The following IL1RL1 variants were observed in gnomAD, a reference collection of about 807,000 sequenced individuals.
IL1RL1 encodes the protein interleukin 1 receptor like 1.
In IL1RL1, 32 loss-of-function variants were observed where a neutral mutation model predicts 50.9. The observed-to-expected ratio is 0.63, with a 90% CI of 0.47 to 0.84. The LOEUF (loss-of-function observed/expected upper bound fraction) is 0.84. Ranked by LOEUF, IL1RL1 falls within the 40% of genes least tolerant of loss-of-function variation. IL1RL1 has a pLI of 0.00. For missense variants in IL1RL1, 773 were observed against 662.9 expected, an observed-to-expected ratio of 1.17 and a Z score of -1.82; for synonymous variants, 275 against 236.0, an observed-to-expected ratio of 1.17 and a Z score of -1.51.
chr2:102,347,834 G>T (rs892943677), intron 8 of IL1RL1, 111 bp from the exon 9 acceptor site: 28 of 643,116 alleles, frequency 4.4e-5, no homozygotes, highest in Non-Finnish European at 6.8e-5. Flanking sequence ...ATTCCCAGTG[G>T]GTATATCTTA....
intron 1 of IL1RL1, among the ~76,000 whole-genome samples, chr2:102,333,078 C>T (rs1677218867): frequency 6.6e-6 from 1 of 152,034 alleles, no homozygotes. Context: ...TGTGGTACCT[C>T]CCAGCTTCTG....
chr2:102,326,212 A>T (rs1676992909), intron 1 of IL1RL1, among the ~76,000 whole-genome samples: 2 of 152,218 alleles, frequency 1.3e-5, no homozygotes, highest in Admixed American at 1.3e-4. Context: ...ATTCTTAAAG[A>T]AAAGAATTTT....
chr2:102,323,611 C>A (rs1490410937), intron 1 of IL1RL1, among the ~76,000 whole-genome samples: 1 of 151,878 alleles, frequency 6.6e-6, no homozygotes, highest in East Asian at 1.9e-4. Context: ...GTGCTAAGTT[C>A]TTTTTAACAG....
intron 10 of IL1RL1, among the ~76,000 whole-genome samples, chr2:102,350,349 C>T (rs1375565339): frequency 6.6e-6 from 1 of 152,258 alleles, no homozygotes. Flanking sequence ...AGTTACACTT[C>T]TCCTCAGCCA....
At chr2:102,340,960 T>C (rs1677536462) in intron 5 of IL1RL1, 132 bp downstream of exon 5, 2 of 754,066 alleles carry the variant, frequency 2.7e-6, no homozygotes, top group East Asian at 6.3e-5. Context: ...TCTTATCTTA[T>C]ACATTCTGAA....
chr2:102,351,416 G>C, intron 10 of IL1RL1, 120 bp from the exon 11 acceptor site: 1 of 868,884 alleles, frequency 1.2e-6, no homozygotes, highest in Non-Finnish European at 1.8e-6. Flanking sequence ...CTCTGAGTAA[G>C]TGACTTGATG....
intron 10 of IL1RL1, among the ~76,000 whole-genome samples, chr2:102,350,896 G>C (rs1677911894): frequency 6.6e-6 from 1 of 152,314 alleles, no homozygotes; most frequent in East Asian, 1.9e-4. Flanking sequence ...TTGCAGTGAG[G>C]ACTGGGTATT....
intron 1 of IL1RL1, among the ~76,000 whole-genome samples, chr2:102,326,073 A>G (rs1314579840): frequency 6.6e-6 from 1 of 152,168 alleles, no homozygotes; most frequent in East Asian, 1.9e-4. Context: ...AGTTGAAATG[A>G]AGGCAAAAAT....
chr2:102,330,726 GA>G (rs1342763100), intron 1 of IL1RL1, among the ~76,000 whole-genome samples: 1 of 152,150 alleles, frequency 6.6e-6, no homozygotes, highest in African/African-American at 2.4e-5. Context: ...TGCAAATTAT[GA>G]GTATTTTGTC....
intron 8 of IL1RL1, chr2:102,345,426 C>A: frequency 1.0e-6 from 1 of 985,044 alleles, no homozygotes; most frequent in Non-Finnish European, 1.2e-6. Context: ...ACACTCATCA[C>A]TCCTCAGGGG....
rs111749770 is a variant in IL1RL1 at position 102,316,504 on chromosome 2, G to A, written c.-150+4881G>A. Among the ~76,000 whole-genome samples, 349 of 152,232 alleles carry A rather than the reference G, an allele frequency of 2.3e-3. 5 individuals are homozygous for A. Among genetic ancestry groups the A allele is most frequent in the African/African-American group, 8.0e-3 (334 of 41,522 alleles). ...TGGTAGAATTTCCTTCTTCAGAGAA[G>A]GGGAGAACAAGGTAGATAAAGAAAG... On this transcript the variant is annotated intron_variant, in intron 1 of 10. Transcript: ENST00000233954.
Position 102,343,049 on chromosome 2 carries a change from C to A in IL1RL1, c.696C>A (p.Asn232Lys), listed in dbSNP as rs1677632551. ...IKEVEIGKNANLTCSACFGKG... is the reference protein window; with the variant it reads ...IKEVEIGKNAKLTCSACFGKG... ...ACTCCCCTCTAGGAAAAAACGCAAA[C>A]CTAACTTGCTCTGCTTGTTTTGGAA... Residue 232 changes from asparagine (N) to lysine (K), a missense_variant, in exon 7 of 11, where the codon AAC becomes AAA. Coordinates refer to ENST00000233954, the MANE Select transcript of IL1RL1 (RefSeq NM_016232.5). 6.2e-7 allele frequency: 1 copy of A among 1,613,844 alleles called. No homozygotes were observed. The highest frequency in any genetic ancestry group is 8.5e-7 in the Non-Finnish European group (1 of 1,179,974).
intron 1 of IL1RL1, among the ~76,000 whole-genome samples, chr2:102,313,760 A>T (rs1048536490): frequency 6.6e-6 from 1 of 152,168 alleles, no homozygotes; most frequent in African/African-American, 2.4e-5. Flanking sequence ...GGTTGGGAGG[A>T]TACAATGCAG....
At chr2:102,311,932 T>C (rs1219074916) in intron 1 of IL1RL1, among the ~76,000 whole-genome samples, 1 of 35,460 alleles carries the variant, frequency 2.8e-5, no homozygotes, top group Non-Finnish European at 5.0e-5. Flanking sequence ...ATAATATATA[T>C]TATATATAAT....
At chr2:102,317,611 T>C (rs1286781631) in intron 1 of IL1RL1, among the ~76,000 whole-genome samples, 1 of 152,132 alleles carries the variant, frequency 6.6e-6, no homozygotes. Context: ...GTCAATTACT[T>C]CATAGATTTT....
intron 1 of IL1RL1, among the ~76,000 whole-genome samples, chr2:102,335,958 G>C (rs1010690451): frequency 2.0e-5 from 3 of 152,030 alleles, no homozygotes; most frequent in African/African-American, 7.2e-5. Flanking sequence ...CTAATTTACG[G>C]CGAACATCTC....
intron 1 of IL1RL1, among the ~76,000 whole-genome samples, chr2:102,318,128 G>A (rs1676730770): frequency 6.6e-6 from 1 of 152,124 alleles, no homozygotes; most frequent in African/African-American, 2.4e-5. Context: ...TTTGAAGAGA[G>A]GAGTAATTTG....
rs776472201 is a variant in IL1RL1 at position 102,351,689 on chromosome 2, T to C, written c.1439T>C (p.Ile480Thr). Residue 480 changes from isoleucine (I) to threonine (T), a missense_variant, in exon 11 of 11, where the codon ATT becomes ACT. Coordinates refer to ENST00000233954, the MANE Select transcript of IL1RL1 (RefSeq NM_016232.5). ...LIQNDAKVIL[I>T]EMEALSELDM... ...CAGAACGACGCCAAGGTGATACTTA[T>C]TGAGATGGAGGCTCTGAGCGAGCTG... 3.1e-6 allele frequency: 5 copies of C among 1,613,914 alleles called. No individual in the cohort carries two copies. The highest frequency in any genetic ancestry group is 1.6e-4 in the Middle Eastern group (1 of 6,084).
intron 8 of IL1RL1, 162 bp downstream of exon 8, chr2:102,343,577 A>C (rs1677666311): frequency 1.3e-6 from 2 of 1,511,238 alleles, no homozygotes; most frequent in South Asian, 2.6e-5. Context: ...ATCTTTGTAG[A>C]CTGTTCCTGT....
Sources: allele counts gnomAD v4.1 joint callset (sites outside exome capture counted in the v4.1 genomes callset), GRCh38; gene constraint gnomAD v4.1.1; transcripts MANE v1.5; gene names NCBI Gene and HGNC (gene_info 2026-07-23, HGNC 2026-07-21).